The following CALN1 variants were observed in gnomAD, a reference collection of about 807,000 sequenced individuals.
CALN1 encodes calcium-binding protein 8.
In CALN1, 17 loss-of-function variants were observed where a neutral mutation model predicts 30.6. The ratio of observed to expected loss-of-function variants is 0.56; its 90% CI spans 0.38 to 0.83. The LOEUF (loss-of-function observed/expected upper bound fraction) is 0.83. Ranked by LOEUF, CALN1 falls within the 40% of genes least tolerant of loss-of-function variation. CALN1 has a pLI of 0.00. For synonymous variants in CALN1, 156 were observed against 131.4 expected (o/e 1.19, Z -1.28); for missense variants, 291 against 354.9 (o/e 0.82, Z 1.45).
At chr7:72,473,257 G>A in the CALN1 span, among the ~76,000 whole-genome samples, 1 of 151,936 alleles carries the variant, frequency 6.6e-6, no homozygotes, top group Non-Finnish European at 1.5e-5. Context: ...GGCCCAGCCT[G>A]TTCTTGCTAC....
At chr7:72,095,888 T>C (rs1163137923) in intron 4 of CALN1, among the ~76,000 whole-genome samples, 1 of 151,806 alleles carries the variant, frequency 6.6e-6, no homozygotes, top group Non-Finnish European at 1.5e-5. Flanking sequence ...AAAATAAAAA[T>C]TAGCCAGGCA....
At chr7:72,102,723 G>C (rs1413220150) in intron 4 of CALN1, among the ~76,000 whole-genome samples, 1 of 152,196 alleles carries the variant, frequency 6.6e-6, no homozygotes, top group African/African-American at 2.4e-5. Context: ...ACAGAAAATA[G>C]AGAAGTGCTT....
intron 4 of CALN1, among the ~76,000 whole-genome samples, chr7:72,076,416 T>C (rs1192285612): frequency 1.3e-5 from 2 of 150,634 alleles, no homozygotes; most frequent in African/African-American, 2.4e-5. Flanking sequence ...CTGACCAACA[T>C]GGAGAAACCC....
At chr7:72,112,730 G>A (rs1036077944) in intron 3 of CALN1, among the ~76,000 whole-genome samples, 3 of 152,154 alleles carry the variant, frequency 2.0e-5, no homozygotes, top group Non-Finnish European at 4.4e-5. Context: ...ATATGTCAGG[G>A]GCTGTGCCAG....
At chr7:71,820,166 T>C (rs890843688) in intron 5 of CALN1, among the ~76,000 whole-genome samples, 1 of 152,182 alleles carries the variant, frequency 6.6e-6, no homozygotes, top group Admixed American at 6.5e-5. Context: ...GTCTCTACAA[T>C]CCTTATCATA....
At chr7:72,168,606 G>C (rs899846853) in intron 3 of CALN1, among the ~76,000 whole-genome samples, 4 of 152,080 alleles carry the variant, frequency 2.6e-5, no homozygotes, top group Non-Finnish European at 5.9e-5. Flanking sequence ...TGGATTTATA[G>C]ACTGTAACTA....
At chr7:72,032,431 T>G (rs1452665608) in intron 4 of CALN1, among the ~76,000 whole-genome samples, 1 of 152,102 alleles carries the variant, frequency 6.6e-6, no homozygotes, top group Non-Finnish European at 1.5e-5. Flanking sequence ...CCTCATGTGA[T>G]CCTCCCACCT....
intron 5 of CALN1, among the ~76,000 whole-genome samples, chr7:71,855,622 AC>A (rs1472447028): frequency 6.6e-6 from 1 of 152,148 alleles, no homozygotes; most frequent in Non-Finnish European, 1.5e-5. Flanking sequence ...CCTAGGCAGC[AC>A]CCAGGGTGTT....
chr7:72,485,103 T>A, the CALN1 span, among the ~76,000 whole-genome samples: 6 of 152,304 alleles, frequency 3.9e-5, no homozygotes, highest in African/African-American at 2.4e-5. Context: ...AAATTTTTTT[T>A]AATTACCTAG....
chr7:71,791,180 T>C (rs896921359), intron 6 of CALN1, among the ~76,000 whole-genome samples: 2 of 152,178 alleles, frequency 1.3e-5, no homozygotes, highest in Non-Finnish European at 2.9e-5. Context: ...GCATTGATCT[T>C]TTTTATGGCT....
At chr7:72,393,879 A>G (rs910468762) in intron 2 of CALN1, among the ~76,000 whole-genome samples, 21 of 152,032 alleles carry the variant, frequency 1.4e-4, no homozygotes, top group African/African-American at 4.8e-4. Flanking sequence ...CATCCTGAGT[A>G]GCTAGGATTA....
intron 3 of CALN1, among the ~76,000 whole-genome samples, chr7:72,216,386 G>C (rs1431136472): frequency 6.6e-6 from 1 of 150,632 alleles, no homozygotes; most frequent in East Asian, 2.0e-4. Context: ...CTGCACTCCA[G>C]CCTGGATGAC....
chr7:72,334,757 T>C (rs969939904), intron 2 of CALN1, among the ~76,000 whole-genome samples: 2 of 152,258 alleles, frequency 1.3e-5, no homozygotes, highest in Non-Finnish European at 2.9e-5. Flanking sequence ...ATCGTGAGGA[T>C]TGGATTTCCA....
At chr7:71,948,161 A>C (rs1419986835) in intron 5 of CALN1, among the ~76,000 whole-genome samples, 16 of 151,926 alleles carry the variant, frequency 1.1e-4, no homozygotes, top group Non-Finnish European at 2.4e-4. Flanking sequence ...TATTATGAGG[A>C]CTCACAATCG....
Position 72,278,689 on chromosome 7 carries a change from C to T in CALN1, c.241G>A (p.Asp81Asn), listed in dbSNP as rs1246232798. Reference protein sequence around the residue: ...QLANISVEELDEIREAFRVLD... With the variant: ...QLANISVEELNEIREAFRVLD... Reference sequence around the variant, plus strand: ...CCAAACAGGGTAGGCTCCTTACCATCGAGCTCCTCCACGGAGATATTAGCC... The same window carrying T: ...CCAAACAGGGTAGGCTCCTTACCATTGAGCTCCTCCACGGAGATATTAGCC... The change falls in exon 3 of 7, where the codon GAT becomes AAT. Residue 81 changes from aspartate to asparagine, a missense_variant. Physicochemically the swap from Asp to Asn is conservative, Grantham distance 23. Around this residue, in one of 2 missense-constraint regions of CALN1, gnomAD observed 169 missense variants for 251.7 expected, o/e 0.67. Transcript: ENST00000395275. 5 of 1,612,422 alleles carry T rather than the reference C, an allele frequency of 3.1e-6. No individual in the cohort carries two copies. The highest frequency in any genetic ancestry group is 2.2e-5 in the East Asian group (1 of 44,844).
At chr7:72,345,781 T>C (rs913222003) in intron 2 of CALN1, among the ~76,000 whole-genome samples, 6 of 152,212 alleles carry the variant, frequency 3.9e-5, no homozygotes, top group African/African-American at 1.2e-4. Context: ...CCTTAAATTA[T>C]CTCAATAATT....
At chr7:72,277,199 A>C (rs138334294) in intron 3 of CALN1, among the ~76,000 whole-genome samples, 1 of 152,094 alleles carries the variant, frequency 6.6e-6, no homozygotes, top group Non-Finnish European at 1.5e-5. Context: ...AAGCCTCCCA[A>C]ACTGTGAGAA....
chr7:72,475,941 CTTTT>C, the CALN1 span, among the ~76,000 whole-genome samples: 4 of 75,878 alleles, frequency 5.3e-5, no homozygotes, highest in African/African-American at 2.5e-4. Context: ...CTCTCTCTCT[CTTTT>C]TTTTTTTTTT....
chr7:72,127,405 T>C (rs1808842339), intron 3 of CALN1, among the ~76,000 whole-genome samples: 1 of 152,062 alleles, frequency 6.6e-6, no homozygotes, highest in Non-Finnish European at 1.5e-5. Context: ...GTGTTTTTAC[T>C]GTGAATGAGG....
Sources: gnomAD v4.1 joint callset for allele counts (sites outside exome capture counted in the v4.1 genomes callset) on GRCh38, gnomAD v4.1.1 for gene constraint, gnomAD v4.1.1 regional missense constraint, MANE v1.5 for transcripts, NCBI Gene and HGNC (gene_info 2026-07-23, HGNC 2026-07-21) for gene names.